The following CAMTA1 variants were observed in gnomAD, a reference collection of about 807,000 sequenced individuals.
The protein encoded by CAMTA1 is calmodulin binding transcription activator 1, also known as calmodulin-binding transcription activator 1.
CAMTA1 carries 27 observed loss-of-function variants against 170.9 expected under a neutral mutation model. That is an observed-to-expected ratio of 0.16 (90% CI 0.12 to 0.22). The LOEUF (loss-of-function observed/expected upper bound fraction) is 0.22, where lower values mean the gene tolerates loss of function less well. CAMTA1 is among the 10% of genes least tolerant of loss of function. The probability of loss-of-function intolerance (pLI) is 1.00; values close to 1 mark genes in which losing one functional copy is unlikely to be tolerated. For synonymous variants in CAMTA1, 833 were observed against 891.5 expected, an observed-to-expected ratio of 0.93 and a Z score of 1.17; for missense variants, 1,619 against 2,217.2, an observed-to-expected ratio of 0.73 and a Z score of 5.42.
chr1:7,422,197 C>T (rs984707152), intron 5 of CAMTA1, among the ~76,000 whole-genome samples: 1 of 152,082 alleles, frequency 6.6e-6, no homozygotes, highest in Admixed American at 6.5e-5. Context: ...TACATGCAGG[C>T]GTGGTCTCTG....
chr1:6,984,338 G>A (rs1384792770), intron 3 of CAMTA1, among the ~76,000 whole-genome samples: 2 of 152,020 alleles, frequency 1.3e-5, no homozygotes, highest in Admixed American at 6.6e-5. Flanking sequence ...TCTGAAAATG[G>A]CAGCACATTG....
chr1:7,765,107 G>A (rs975495221), intron 22 of CAMTA1, among the ~76,000 whole-genome samples: 2 of 152,170 alleles, frequency 1.3e-5, no homozygotes, highest in African/African-American at 2.4e-5. Flanking sequence ...TTGCAGTAGA[G>A]TATGGTGTCC....
chr1:7,132,475 A>C (rs1240236289), intron 4 of CAMTA1, among the ~76,000 whole-genome samples: 2 of 152,170 alleles, frequency 1.3e-5, no homozygotes, highest in African/African-American at 4.8e-5. Flanking sequence ...GGGTCTCACT[A>C]TGTTTCCCAG....
In CAMTA1 at chr1:7,680,126, C is replaced by T. The variant is rs1429572332; in HGVS notation, c.2914+2393C>T. The T allele has an allele frequency of 1.1e-5, 2 of 181,306 alleles. No individual in the cohort carries two copies. The highest frequency in any genetic ancestry group is 2.4e-5 in the Non-Finnish European group (2 of 82,774). The allele number at this position is 181,306 out of a possible 1,614,324, so 11.2% of individuals were successfully genotyped here. ...AAAGGGGGCCGCGGGAACAGCTAGT[C>T]GGGAGCGCGGGGGTCCCGGGCCTCT... is the stretch of plus-strand genomic sequence containing the variant. On this transcript the variant is annotated intron_variant, in intron 11 of 22. Coordinates refer to ENST00000303635, the MANE Select transcript of CAMTA1 (RefSeq NM_015215.4). This position sits in a 1 kb window ranked among gnomAD's most constrained non-coding sequence, Gnocchi z 4.4.
chr1:7,626,857 G>A (rs1172434268), intron 6 of CAMTA1, among the ~76,000 whole-genome samples: 2 of 152,152 alleles, frequency 1.3e-5, no homozygotes, highest in Non-Finnish European at 1.5e-5. Flanking sequence ...AAACAGAAGG[G>A]TTTAGGAGAC....
At chr1:7,687,969 C>T (rs920736215) in intron 11 of CAMTA1, among the ~76,000 whole-genome samples, 33 of 148,780 alleles carry the variant, frequency 2.2e-4, no homozygotes, top group African/African-American at 2.9e-4. Context: ...CAGGCAATTA[C>T]GCCCCAGCTC....
intron 3 of CAMTA1, among the ~76,000 whole-genome samples, chr1:6,914,198 G>A (rs565097318): frequency 2.0e-5 from 3 of 148,838 alleles, no homozygotes; most frequent in South Asian, 2.1e-4. Flanking sequence ...TCTGCCTCCC[G>A]GGTTCAAGTG....
At chr1:7,085,825 AGCTTGGGGACTGGATGGTGGGTGACCATT>A (rs1640663785) in intron 3 of CAMTA1, among the ~76,000 whole-genome samples, 1 of 152,152 alleles carries the variant, frequency 6.6e-6, no homozygotes, top group African/African-American at 2.4e-5. Flanking sequence ...AAAACCCATC[AGCTTGGGGACTGGATGGTGGGTGACCATT>A]GCCTCTGGGT....
intron 3 of CAMTA1, among the ~76,000 whole-genome samples, chr1:6,849,290 A>G (rs1033854287): frequency 2.0e-5 from 3 of 152,210 alleles, no homozygotes; most frequent in African/African-American, 4.8e-5. Context: ...GGGAACATCT[A>G]GAGATCCTAG....
chr1:6,907,224 T>A (rs139529942), intron 3 of CAMTA1, among the ~76,000 whole-genome samples: 1 of 152,204 alleles, frequency 6.6e-6, no homozygotes, highest in Admixed American at 6.5e-5. Context: ...CCGAGCAGCA[T>A]CATCAACATT....
intron 11 of CAMTA1, among the ~76,000 whole-genome samples, chr1:7,708,002 A>G (rs531591950): frequency 2.6e-5 from 4 of 152,350 alleles, no homozygotes; most frequent in Non-Finnish European, 5.9e-5. Flanking sequence ...CAAGTGACTC[A>G]TTAAAACCAT....
intron 6 of CAMTA1, among the ~76,000 whole-genome samples, chr1:7,537,511 G>C (rs1375134451): frequency 6.6e-6 from 1 of 152,208 alleles, no homozygotes; most frequent in African/African-American, 2.4e-5. Context: ...CAGCGGGGCT[G>C]ACTCTCAGGC....
chr1:7,271,371 T>C (rs1007818629), intron 5 of CAMTA1, among the ~76,000 whole-genome samples: 4 of 152,172 alleles, frequency 2.6e-5, no homozygotes, highest in African/African-American at 9.7e-5. Flanking sequence ...AATAAACTTG[T>C]GTTGCTTAAG....
chr1:7,192,306 C>T (rs11120876), intron 4 of CAMTA1, among the ~76,000 whole-genome samples: 22,951 of 152,192 alleles, frequency 0.15, 2,186 homozygotes, highest in East Asian at 0.26. Flanking sequence ...TGTGCTATGG[C>T]GTCTGACCTG....
intron 11 of CAMTA1, among the ~76,000 whole-genome samples, chr1:7,703,549 G>C (rs2096465769): frequency 6.6e-6 from 1 of 152,290 alleles, no homozygotes; most frequent in East Asian, 1.9e-4. Flanking sequence ...ACAGGCTTAA[G>C]GGCTCTGCAA....
intron 3 of CAMTA1, among the ~76,000 whole-genome samples, chr1:7,070,127 C>G (rs917898873): frequency 1.3e-5 from 2 of 152,178 alleles, no homozygotes; most frequent in Non-Finnish European, 2.9e-5. Flanking sequence ...CCGAAGTGTC[C>G]GGAGCCGCCA....
rs1255160905 is a variant in CAMTA1, at chr1:7,541,783, C to A, written c.510+73882C>A. Among the ~76,000 whole-genome samples, 3 of 152,206 alleles carry A rather than the reference C, an allele frequency of 2.0e-5. No individual in the cohort carries two copies. In the East Asian group the frequency reaches 5.8e-4, roughly 29 times the overall value. On this transcript the variant is annotated intron_variant, in intron 6 of 22. Coordinates refer to ENST00000303635, the MANE Select transcript of CAMTA1 (RefSeq NM_015215.4). ...TTGCAGGCACCAGGGTGGTCACCCA[C>A]AGGGGTTCTGGTGAACTCAAGATCC...
chr1:7,285,840 A>C (rs1360836969), intron 5 of CAMTA1, among the ~76,000 whole-genome samples: 2 of 152,200 alleles, frequency 1.3e-5, no homozygotes, highest in African/African-American at 4.8e-5. Flanking sequence ...TTGGAGCCCC[A>C]CTGATGGCTG....
At chr1:7,042,010 G>A (rs1704536104) in intron 3 of CAMTA1, among the ~76,000 whole-genome samples, 1 of 152,198 alleles carries the variant, frequency 6.6e-6, no homozygotes, top group South Asian at 2.1e-4. Flanking sequence ...AGTTTTTAGG[G>A]TTTAAAGCAT....
Sources: gnomAD v4.1 joint callset for allele counts (sites outside exome capture counted in the v4.1 genomes callset) on GRCh38, gnomAD v4.1.1 for gene constraint, Gnocchi (gnomAD v3.1) non-coding constraint, MANE v1.5 for transcripts, NCBI Gene and HGNC (gene_info 2026-07-23, HGNC 2026-07-21) for gene names.